The following COL23A1 variants were observed in gnomAD, a reference collection of about 807,000 sequenced individuals.
The protein encoded by COL23A1 is collagen alpha-1(XXIII) chain.
In COL23A1, 97 loss-of-function variants were observed where a neutral mutation model predicts 99.3. The observed-to-expected ratio is 0.98, with a 90% confidence interval of 0.83 to 1.16. The LOEUF (loss-of-function observed/expected upper bound fraction) is 1.16, where lower values mean the gene tolerates loss of function less well. Ranked by LOEUF, COL23A1 falls within the 50% of genes most tolerant of loss-of-function variation. COL23A1 has a pLI of 0.00. For missense variants in COL23A1, 762 were observed against 757.4 expected (o/e 1.01, Z -0.07); for synonymous variants, 320 against 308.2 (o/e 1.04, Z -0.40).
intron 2 of COL23A1, among the ~76,000 whole-genome samples, chr5:178,379,362 G>A (rs1276021647): frequency 4.6e-5 from 7 of 152,238 alleles, no homozygotes; most frequent in African/African-American, 1.4e-4. Flanking sequence ...AACTCTCTAC[G>A]TGCACTGTGT....
chr5:178,524,629 C>G (rs577437103), intron 2 of COL23A1, among the ~76,000 whole-genome samples: 2 of 152,388 alleles, frequency 1.3e-5, no homozygotes. Flanking sequence ...CATGGACCAC[C>G]TGGCCACACC....
intron 2 of COL23A1, among the ~76,000 whole-genome samples, chr5:178,329,909 C>T (rs997234868): frequency 4.1e-5 from 6 of 147,948 alleles, no homozygotes; most frequent in South Asian, 2.1e-4. Flanking sequence ...TGCACTCCAG[C>T]GTGGATGACA....
At chr5:178,443,309 C>T (rs1030886289) in intron 2 of COL23A1, among the ~76,000 whole-genome samples, 2 of 152,218 alleles carry the variant, frequency 1.3e-5, no homozygotes, top group Non-Finnish European at 2.9e-5. Context: ...GACTTCTACT[C>T]TGGAAGGTGA....
chr5:178,238,391 G>T lies in COL23A1; in HGVS notation c.*307C>A. The T allele has an allele frequency of 2.3e-6, 1 of 433,092 alleles. No individual in the cohort carries two copies. Among genetic ancestry groups the T allele is most frequent in the South Asian group, 2.7e-5 (1 of 36,768 alleles). The allele number at this position is 433,092 out of a possible 1,614,324, so 26.8% of individuals were successfully genotyped here. On this transcript the variant is annotated 3_prime_UTR_variant, in exon 29 of 29. Transcript: ENST00000390654. ...CAGCTGAGAGTCTCTCTGCTGATCA[G>T]GTGACTGAAGGCCCAACGTAGCATC... is the stretch of plus-strand genomic sequence containing the variant.
At chr5:178,319,782 G>C (rs944165676) in intron 2 of COL23A1, among the ~76,000 whole-genome samples, 6 of 152,214 alleles carry the variant, frequency 3.9e-5, no homozygotes, top group South Asian at 2.1e-4. Flanking sequence ...GGTTTGCTGG[G>C]GACTGAGGGG....
At position 178,280,190 on chromosome 5, in the gene COL23A1, T is replaced by C. The variant is rs899253132; in HGVS notation, c.441+8134A>G. 3.3e-5 allele frequency among the ~76,000 whole-genome samples: 5 copies of C among 152,224 alleles called. No homozygotes were observed. The highest frequency in any genetic ancestry group is 1.3e-4 in the Admixed American group (2 of 15,288). On this transcript the variant is annotated intron_variant, in intron 5 of 28. Coordinates refer to ENST00000390654, the MANE Select transcript of COL23A1 (RefSeq NM_173465.4). The surrounding 1 kb of genome is among the most constrained non-coding windows in gnomAD (Gnocchi z 4.9). ...GCTGCCTCCAGCCCTGGCGGACTCT[T>C]GCGCTGGACTCCCGCCCTCGGGCCA... is the stretch of plus-strand genomic sequence containing the variant.
At chr5:178,550,723 T>TA (rs2113464851) in intron 2 of COL23A1, among the ~76,000 whole-genome samples, 1 of 152,246 alleles carries the variant, frequency 6.6e-6, no homozygotes, top group East Asian at 1.9e-4. Flanking sequence ...CGCTACAGCA[T>TA]GTGGGTGAGC....
At chr5:178,341,804 C>T (rs1273233234) in intron 2 of COL23A1, among the ~76,000 whole-genome samples, 1 of 152,194 alleles carries the variant, frequency 6.6e-6, no homozygotes, top group Non-Finnish European at 1.5e-5. Context: ...ACCCCGCCCG[C>T]CTCAGGACCT....
In COL23A1 at chr5:178,238,249, A is replaced by T. The variant is rs1764215477; in HGVS notation, c.*449T>A. 6.4e-6 allele frequency: 1 copy of T among 156,568 alleles called. No homozygotes were observed. Among genetic ancestry groups the T allele is most frequent in the South Asian group, 1.8e-4 (1 of 5,530 alleles). 9.7% of individuals were successfully genotyped at this position (156,568 alleles called of 1,614,324 possible). The stretch of plus-strand genomic sequence containing the variant: ...GGCAGCTGGTTGTGGTTGAGTTTGG[A>T]GGCTGATGAGGCCAGGAGCAACAGC... On this transcript the variant is annotated 3_prime_UTR_variant, in exon 29 of 29. Coordinates refer to ENST00000390654, the MANE Select transcript of COL23A1 (RefSeq NM_173465.4).
chr5:178,346,957 T>A (rs1761006485), intron 2 of COL23A1, among the ~76,000 whole-genome samples: 1 of 152,190 alleles, frequency 6.6e-6, no homozygotes, highest in African/African-American at 2.4e-5. Flanking sequence ...CCTCAGAGGT[T>A]GTGAAACAGC....
intron 2 of COL23A1, among the ~76,000 whole-genome samples, chr5:178,381,477 C>T (rs374955676): frequency 1.0e-3 from 153 of 152,230 alleles, no homozygotes; most frequent in African/African-American, 3.2e-3. Flanking sequence ...TCCTGCCTGT[C>T]GCTGGTCTGT....
intron 2 of COL23A1, among the ~76,000 whole-genome samples, chr5:178,368,513 C>T (rs1335957295): frequency 1.3e-5 from 2 of 152,184 alleles, no homozygotes; most frequent in Non-Finnish European, 2.9e-5. Context: ...GTTTGGACGA[C>T]TGTGTAATGA....
chr5:178,539,669 A>G (rs1429807948), intron 2 of COL23A1, among the ~76,000 whole-genome samples: 1 of 152,160 alleles, frequency 6.6e-6, no homozygotes, highest in Admixed American at 6.6e-5. Flanking sequence ...CTAGGCCTGG[A>G]TATTTTCACC....
At position 178,339,622 on chromosome 5, in the gene COL23A1, A is replaced by T. The variant is rs1204578353; in HGVS notation, c.362-32703T>A. Among the ~76,000 whole-genome samples the T allele has an allele frequency of 2.0e-5, 3 of 152,198 alleles. No homozygotes were observed. The East Asian group carries it at 5.8e-4, about 29-fold the overall frequency. ...TGTGGGGGAAAATAAGAGAAAAATG[A>T]TGTAAGCACTGAGGATATGTTCCTT... On this transcript the variant is annotated intron_variant, in intron 2 of 28. Coordinates refer to ENST00000390654, the MANE Select transcript of COL23A1 (RefSeq NM_173465.4).
chr5:178,460,719 T>G (rs945868844), intron 2 of COL23A1, among the ~76,000 whole-genome samples: 1 of 152,192 alleles, frequency 6.6e-6, no homozygotes, highest in African/African-American at 2.4e-5. Context: ...CCTGCTTTTC[T>G]TATCTTATGC....
At chr5:178,325,933 GT>G (rs548812827) in intron 2 of COL23A1, among the ~76,000 whole-genome samples, 1 of 152,216 alleles carries the variant, frequency 6.6e-6, no homozygotes, top group Non-Finnish European at 1.5e-5. Flanking sequence ...GGAAATGCCA[GT>G]TTATGAACCA....
rs1413453623 is a variant in COL23A1, at chr5:178,365,932, C to T, written c.362-59013G>A. Among the ~76,000 whole-genome samples, 3 of 152,058 alleles carry T rather than the reference C, an allele frequency of 2.0e-5. No individual in the cohort carries two copies. Among genetic ancestry groups the T allele is most frequent in the African/African-American group, 7.2e-5 (3 of 41,390 alleles). ...AGCAGGAAGGGGGGATGGTCAAGCG[C>T]ACCACAGGCTTGGAAGCAGACACGC... On this transcript the variant is annotated intron_variant, in intron 2 of 28. Coordinates refer to ENST00000390654, the MANE Select transcript of COL23A1 (RefSeq NM_173465.4). The surrounding 1 kb of genome is among the most constrained non-coding windows in gnomAD (Gnocchi z 5.2).
chr5:178,355,094 G>A (rs529386882), intron 2 of COL23A1, among the ~76,000 whole-genome samples: 175 of 151,662 alleles, frequency 1.2e-3, no homozygotes, highest in Non-Finnish European at 2.0e-3. Context: ...ATGCAGAATA[G>A]TAACTGTTTA....
intron 2 of COL23A1, among the ~76,000 whole-genome samples, chr5:178,449,690 A>G (rs1182534595): frequency 2.0e-5 from 3 of 150,352 alleles, no homozygotes; most frequent in African/African-American, 4.9e-5. Flanking sequence ...CCTTTTTACT[A>G]TTTTTCCTAA....
Sources: allele counts gnomAD v4.1 joint callset (sites outside exome capture counted in the v4.1 genomes callset), GRCh38; gene constraint gnomAD v4.1.1; non-coding constraint Gnocchi (gnomAD v3.1); transcripts MANE v1.5; gene names NCBI Gene and HGNC (gene_info 2026-07-23, HGNC 2026-07-21).